The following ADIPOR2 variants were observed in gnomAD, a reference collection of about 807,000 sequenced individuals.
ADIPOR2 encodes the protein adiponectin receptor 2.
In ADIPOR2, 18 loss-of-function variants were observed where a neutral mutation model predicts 40.9. That is an observed-to-expected ratio of 0.44 (90% confidence interval 0.30 to 0.65). ADIPOR2 has a LOEUF of 0.65. ADIPOR2 is among the 30% of genes least tolerant of loss of function. The pLI, the probability that ADIPOR2 is intolerant of heterozygous loss-of-function variation, is 0.09. For synonymous variants in ADIPOR2, 165 were observed against 166.4 expected (o/e 0.99, Z 0.06); for missense variants, 283 against 479.2 (o/e 0.59, Z 3.82).
At chr12:1,714,095 G>C (rs143113487) in intron 1 of ADIPOR2, among the ~76,000 whole-genome samples, 1 of 152,030 alleles carries the variant, frequency 6.6e-6, no homozygotes, top group African/African-American at 2.4e-5. Flanking sequence ...GATTGCCTTG[G>C]CATAGTGGAC....
At chr12:1,762,351 T>G (rs1862288383) in intron 2 of ADIPOR2, among the ~76,000 whole-genome samples, 1 of 152,178 alleles carries the variant, frequency 6.6e-6, no homozygotes, top group Non-Finnish European at 1.5e-5. Context: ...TATAATTGTT[T>G]AATAATTGTT....
intron 1 of ADIPOR2, among the ~76,000 whole-genome samples, chr12:1,749,758 T>A (rs2094764848): frequency 6.6e-6 from 1 of 152,152 alleles, no homozygotes; most frequent in African/African-American, 2.4e-5. Context: ...TATAGAACAA[T>A]TTGGACAGAA....
At chr12:1,740,787 G>A (rs1426012544) in intron 1 of ADIPOR2, among the ~76,000 whole-genome samples, 2 of 152,184 alleles carry the variant, frequency 1.3e-5, no homozygotes, top group Non-Finnish European at 2.9e-5. Flanking sequence ...AACAAGATTT[G>A]ACACTTAAGA....
intron 1 of ADIPOR2, among the ~76,000 whole-genome samples, chr12:1,725,333 T>C (rs58525139): frequency 0.15 from 22,934 of 151,996 alleles, 1,861 homozygotes; most frequent in African/African-American, 0.21. Flanking sequence ...TTGGCCAGGC[T>C]GGTCTTGAAC....
At chr12:1,753,542 T>A (rs927521794) in intron 1 of ADIPOR2, among the ~76,000 whole-genome samples, 3 of 152,234 alleles carry the variant, frequency 2.0e-5, no homozygotes, top group African/African-American at 7.2e-5. Flanking sequence ...CCTTCCAGGG[T>A]AGTCTAGTTA....
intron 1 of ADIPOR2, among the ~76,000 whole-genome samples, chr12:1,733,489 A>G (rs1164268741): frequency 6.6e-6 from 1 of 152,144 alleles, no homozygotes; most frequent in Non-Finnish European, 1.5e-5. Flanking sequence ...CAATTATTGG[A>G]TCAGAGTTTC....
Position 1,780,590 on chromosome 12 carries a change from C to T in ADIPOR2, c.603C>T (p.Phe201=). ...AILCLSFSWL[F]HTVYCHSEGV... is the part of the protein sequence containing the mutation. ...TCTGCCTTTCTTTTTCATGGCTCTT[C>T]CACACAGTCTACTGCCACTCAGAGG... Residue 201 remains phenylalanine (F), a synonymous_variant, in exon 5 of 8, where the codon TTC becomes TTT. Transcript: ENST00000357103. 6.2e-7 allele frequency: 1 copy of T among 1,613,456 alleles called. No individual in the cohort carries two copies. The highest frequency in any genetic ancestry group is 1.7e-5 in the Admixed American group (1 of 59,894).
At position 1,713,781 on chromosome 12, in the gene ADIPOR2, A is replaced by G. The variant is rs550638670; in HGVS notation, c.-87+22590A>G. Among the ~76,000 whole-genome samples, 385 of 152,238 alleles carry G rather than the reference A, an allele frequency of 2.5e-3. 1 individual carries two copies. Among genetic ancestry groups the G allele is most frequent in the Non-Finnish European group, 4.4e-3 (300 of 68,018 alleles). On this transcript the variant is annotated intron_variant, in intron 1 of 7. Coordinates refer to ENST00000357103, the MANE Select transcript of ADIPOR2 (RefSeq NM_024551.3). ...ATACCTGGTTACAGACTGTCCCAGG[A>G]TTCCTCGGATGGTAATGGACCTTGA... is the stretch of plus-strand genomic sequence containing the variant.
intron 3 of ADIPOR2, 117 bp from the exon 4 acceptor site, chr12:1,777,736 TA>T: frequency 1.0e-6 from 1 of 987,398 alleles, no homozygotes; most frequent in East Asian, 2.7e-5. Flanking sequence ...TTTGCCTTTT[TA>T]AAAATGAATT....
chr12:1,725,038 C>A (rs779209946), intron 1 of ADIPOR2, among the ~76,000 whole-genome samples: 1 of 152,082 alleles, frequency 6.6e-6, no homozygotes, highest in Non-Finnish European at 1.5e-5. Flanking sequence ...GGGCTATACA[C>A]AATACAGCAG....
At chr12:1,778,296 G>A (rs959854688) in intron 4 of ADIPOR2, 1 of 307,986 alleles carries the variant, frequency 3.2e-6, no homozygotes, top group Admixed American at 5.0e-5. Context: ...TACAAAATGT[G>A]GTTTCATATT....
chr12:1,748,753 CTG>C (rs1009502430), intron 1 of ADIPOR2, among the ~76,000 whole-genome samples: 3 of 152,018 alleles, frequency 2.0e-5, no homozygotes, highest in African/African-American at 4.8e-5. Flanking sequence ...TCTCCTCAAA[CTG>C]TGTTTTTCCT....
At chr12:1,772,579 C>A in intron 2 of ADIPOR2, 1 of 273,560 alleles carries the variant, frequency 3.7e-6, no homozygotes. Context: ...AAAAAACAAA[C>A]CAGTAAAGCC....
intron 2 of ADIPOR2, among the ~76,000 whole-genome samples, chr12:1,771,022 A>C (rs1004775241): frequency 6.6e-6 from 1 of 152,196 alleles, no homozygotes; most frequent in African/African-American, 2.4e-5. Flanking sequence ...GGATGAGGAA[A>C]GCAATCTAAA....
At chr12:1,728,422 TAA>T (rs909871912) in intron 1 of ADIPOR2, among the ~76,000 whole-genome samples, 1 of 150,598 alleles carries the variant, frequency 6.6e-6, no homozygotes, top group Non-Finnish European at 1.5e-5. Flanking sequence ...TGCAGAGCTT[TAA>T]AAAAAAATGT....
intron 2 of ADIPOR2, chr12:1,772,587 G>A (rs1168203479): frequency 6.7e-6 from 2 of 299,454 alleles, no homozygotes; most frequent in East Asian, 1.2e-4. Flanking sequence ...AACCAGTAAA[G>A]CCAGGAATTT....
intron 3 of ADIPOR2, among the ~76,000 whole-genome samples, chr12:1,775,388 A>G (rs1862569298): frequency 6.6e-6 from 1 of 152,210 alleles, no homozygotes; most frequent in Non-Finnish European, 1.5e-5. Context: ...TGTGTCACTA[A>G]TTGCAGTGTA....
rs1344200774 is a variant in ADIPOR2, at chr12:1,754,491, G to A, written c.148G>A (p.Val50Ile). ...TTTGGAGCCCATTTTAGAGGCATCT[G>A]TTCTATCTTCCCATCATAAAAAAGT... ...GDLEPILEASVLSSHHKKSSE... is the reference protein window; with the variant it reads ...GDLEPILEASILSSHHKKSSE... Residue 50 changes from valine (V) to isoleucine (I), a missense_variant, in exon 2 of 8, where the codon GTT becomes ATT. Around this residue, in one of 3 missense-constraint regions of ADIPOR2, gnomAD observed 65 missense variants for 79.9 expected, o/e 0.81. Transcript: ENST00000357103. 4 of 1,608,308 alleles carry A rather than the reference G, an allele frequency of 2.5e-6. No homozygotes were observed. Among genetic ancestry groups the A allele is most frequent in the East Asian group, 2.2e-5 (1 of 44,682 alleles).
chr12:1,734,065 A>G (rs2062165074), intron 1 of ADIPOR2, among the ~76,000 whole-genome samples: 1 of 152,208 alleles, frequency 6.6e-6, no homozygotes, highest in Admixed American at 6.5e-5. Context: ...GTGCCGCAAT[A>G]AACATACGTT....
Sources: gnomAD v4.1 joint callset for allele counts (sites outside exome capture counted in the v4.1 genomes callset) on GRCh38, gnomAD v4.1.1 for gene constraint, gnomAD v4.1.1 regional missense constraint, MANE v1.5 for transcripts, NCBI Gene and HGNC (gene_info 2026-07-23, HGNC 2026-07-21) for gene names.